CNTNAP5: variants seen among roughly 807,000 people sequenced by gnomAD.
CNTNAP5 encodes the protein contactin associated protein family member 5.
In CNTNAP5, 72 loss-of-function variants were observed where a neutral mutation model predicts 150.2. The observed-to-expected ratio is 0.48, with a 90% confidence interval of 0.40 to 0.58. CNTNAP5 has a LOEUF of 0.58. Ranked by LOEUF, CNTNAP5 falls within the 20% of genes least tolerant of loss-of-function variation. The pLI, the probability that CNTNAP5 is intolerant of heterozygous loss-of-function variation, is 0.00. For missense variants in CNTNAP5, 1,636 were observed against 1,626.2 expected (o/e 1.01, Z -0.10); for synonymous variants, 672 against 619.8 (o/e 1.08, Z -1.25).
At chr2:124,510,518 T>TACATACACACACAC (rs1553474716) in intron 8 of CNTNAP5, among the ~76,000 whole-genome samples, 26 of 124,886 alleles carry the variant, frequency 2.1e-4, no homozygotes, top group African/African-American at 8.0e-4. Flanking sequence ...TATATATATA[T>TACATACACACACAC]ACATATATCT....
chr2:124,443,047 G>A (rs1381729642), intron 5 of CNTNAP5, among the ~76,000 whole-genome samples: 2 of 151,918 alleles, frequency 1.3e-5, no homozygotes, highest in Non-Finnish European at 2.9e-5. Flanking sequence ...CAACATGAAA[G>A]CCTTTGTCCT....
chr2:124,522,310 C>A (rs1225825454), intron 8 of CNTNAP5, among the ~76,000 whole-genome samples: 1 of 152,166 alleles, frequency 6.6e-6, no homozygotes, highest in Non-Finnish European at 1.5e-5. Flanking sequence ...GCAGAAATAG[C>A]TCTGAATCCA....
intron 1 of CNTNAP5, among the ~76,000 whole-genome samples, chr2:124,067,418 A>G (rs939658962): frequency 2.0e-5 from 3 of 152,004 alleles, no homozygotes; most frequent in African/African-American, 7.2e-5. Flanking sequence ...CATCACCCCA[A>G]TCCCTGCCTC....
rs904675135 is a variant in CNTNAP5, at chr2:124,588,753, G to A, written c.1757-21048G>A. 4.6e-5 allele frequency among the ~76,000 whole-genome samples: 7 copies of A among 152,074 alleles called. No individual in the cohort carries two copies. The East Asian group carries it at 7.7e-4, about 17-fold the overall frequency. ...ACTTATATTTAGCAACTGTTGCTACGTTTTATCTTAACTAAAATGTGTGGT... is the reference window on the plus strand; with the variant it reads ...ACTTATATTTAGCAACTGTTGCTACATTTTATCTTAACTAAAATGTGTGGT... On this transcript the variant is annotated intron_variant, in intron 11 of 23. Transcript: ENST00000682447.
At chr2:124,318,590 G>T (rs1476517271) in intron 3 of CNTNAP5, among the ~76,000 whole-genome samples, 2 of 152,112 alleles carry the variant, frequency 1.3e-5, no homozygotes, top group African/African-American at 4.8e-5. Flanking sequence ...TAAACCAAGG[G>T]AAGAGTTTGA....
chr2:124,604,065 T>C (rs1377077599), intron 11 of CNTNAP5, among the ~76,000 whole-genome samples: 1 of 152,306 alleles, frequency 6.6e-6, no homozygotes. Flanking sequence ...TCCTTTTATG[T>C]GTTAACTTTT....
chr2:124,528,582 A>C (rs538038100), intron 10 of CNTNAP5, among the ~76,000 whole-genome samples: 1 of 152,314 alleles, frequency 6.6e-6, no homozygotes, highest in East Asian at 1.9e-4. Context: ...ATATAAAATA[A>C]TTGTATATCT....
At chr2:124,543,163 A>G (rs1695428804) in intron 10 of CNTNAP5, among the ~76,000 whole-genome samples, 1 of 152,198 alleles carries the variant, frequency 6.6e-6, no homozygotes, top group Admixed American at 6.5e-5. Flanking sequence ...TTCTGTAAGC[A>G]CTAGCTAGCA....
chr2:124,296,318 C>A (rs1688430855), intron 3 of CNTNAP5, among the ~76,000 whole-genome samples: 1 of 152,180 alleles, frequency 6.6e-6, no homozygotes, highest in Non-Finnish European at 1.5e-5. Context: ...AAGCACCCTG[C>A]AAAGTTGCAA....
At position 124,504,368 on chromosome 2, in the gene CNTNAP5, T is replaced by G. The variant is rs1458436234; in HGVS notation, c.1139T>G (p.Leu380Arg). The stretch of plus-strand genomic sequence containing the variant: ...GTCAACTCCAGCGGCAGCTATTTGC[T>G]GCTGCCCGGCACCCCCCAAATTGAT... The part of the protein sequence containing the change: ...TFVNSSGSYL[L>R]LPGTPQIDGL... Residue 380 changes from leucine to arginine, a missense_variant, in exon 8 of 24, where the codon CTG becomes CGG. By Grantham distance (102) the Leu-to-Arg change is moderately radical. Transcript: ENST00000682447. 1 of 1,613,818 alleles carries G rather than the reference T, an allele frequency of 6.2e-7. No individual in the cohort carries two copies. Among genetic ancestry groups the G allele is most frequent in the Admixed American group, 1.7e-5 (1 of 59,992 alleles).
At chr2:124,450,682 C>T (rs1692947156) in intron 6 of CNTNAP5, among the ~76,000 whole-genome samples, 1 of 151,660 alleles carries the variant, frequency 6.6e-6, no homozygotes, top group Admixed American at 6.6e-5. Flanking sequence ...ATTGTAGCAG[C>T]TCAGTTTACT....
chr2:124,868,375 AC>A (rs1677675101), intron 20 of CNTNAP5, among the ~76,000 whole-genome samples: 1 of 151,856 alleles, frequency 6.6e-6, no homozygotes, highest in Admixed American at 6.6e-5. Context: ...TAGTTGTGCC[AC>A]TCTGGCCTCT....
chr2:124,086,303 A>G (rs1682690969), intron 1 of CNTNAP5, among the ~76,000 whole-genome samples: 2 of 141,158 alleles, frequency 1.4e-5, no homozygotes, highest in Non-Finnish European at 3.0e-5. Context: ...TCCCGGGTTC[A>G]CTCCATTCTC....
At position 124,916,218 on chromosome 2, in the gene CNTNAP5, T is replaced by C. The variant is rs943293475; in HGVS notation, c.*1930T>C. On this transcript the variant is annotated 3_prime_UTR_variant, in exon 24 of 24. Coordinates refer to ENST00000682447, the MANE Select transcript of CNTNAP5 (RefSeq NM_001367498.1). ...CTCAATCGCTTTATCATCTACATGA[T>C]ATCTTTTGGCTAGTACATTTATTTT... Among the ~76,000 whole-genome samples, 23 of 152,166 alleles carry C rather than the reference T, an allele frequency of 1.5e-4. No homozygotes were observed. The highest frequency in any genetic ancestry group is 5.9e-5 in the Non-Finnish European group (4 of 68,002).
intron 2 of CNTNAP5, among the ~76,000 whole-genome samples, chr2:124,227,218 C>T (rs1686482499): frequency 2.0e-5 from 3 of 152,264 alleles, no homozygotes; most frequent in South Asian, 2.1e-4. Context: ...TAATATTCTG[C>T]CTCAACACTT....
At chr2:124,342,835 G>T (rs1163158982) in intron 3 of CNTNAP5, among the ~76,000 whole-genome samples, 1 of 148,490 alleles carries the variant, frequency 6.7e-6, no homozygotes, top group Non-Finnish European at 1.5e-5. Flanking sequence ...CAAACAGAAA[G>T]TTGTAAAAAA....
chr2:124,768,625 C>T (rs894370302), intron 16 of CNTNAP5, among the ~76,000 whole-genome samples: 38 of 152,144 alleles, frequency 2.5e-4, no homozygotes, highest in Middle Eastern at 3.4e-3. Context: ...ACACAGTGCA[C>T]GGGTAGGCAG....
At chr2:124,109,693 A>G (rs574333519) in intron 1 of CNTNAP5, among the ~76,000 whole-genome samples, 1 of 152,222 alleles carries the variant, frequency 6.6e-6, no homozygotes, top group African/African-American at 2.4e-5. Flanking sequence ...GGCTGGCTAC[A>G]TCACAGGGCT....
intron 1 of CNTNAP5, among the ~76,000 whole-genome samples, chr2:124,177,892 G>A (rs1193697520): frequency 2.0e-5 from 3 of 150,712 alleles, no homozygotes; most frequent in South Asian, 2.1e-4. Context: ...TGTTGCCTAG[G>A]CTGGAGTGCA....
Sources: gnomAD v4.1 joint callset for allele counts (sites outside exome capture counted in the v4.1 genomes callset) on GRCh38, gnomAD v4.1.1 for gene constraint, MANE v1.5 for transcripts, NCBI Gene and HGNC (gene_info 2026-07-23, HGNC 2026-07-21) for gene names.